Variants in PHKB observed in about 807,000 individuals in gnomAD.
The protein encoded by PHKB is phosphorylase kinase regulatory subunit beta.
PHKB carries 122 observed loss-of-function variants against 152.1 expected under a neutral mutation model. The observed-to-expected ratio is 0.80, with a 90% confidence interval of 0.69 to 0.93. PHKB has a LOEUF of 0.93. Ranked by LOEUF, PHKB falls within the 40% of genes least tolerant of loss-of-function variation. The pLI, the probability that PHKB is intolerant of heterozygous loss-of-function variation, is 0.00. For missense variants in PHKB, 1,304 were observed against 1,328.4 expected (o/e 0.98, Z 0.29); for synonymous variants, 436 against 464.9 (o/e 0.94, Z 0.80).
chr16:47,602,709 A>AT (rs1182355672), intron 13 of PHKB, among the ~76,000 whole-genome samples: 1 of 152,046 alleles, frequency 6.6e-6, no homozygotes, highest in Non-Finnish European at 1.5e-5. Context: ...ATGAGCATTA[A>AT]TTTTTTATTT....
At chr16:47,649,885 G>A (rs1345105634) in intron 18 of PHKB, among the ~76,000 whole-genome samples, 2 of 150,690 alleles carry the variant, frequency 1.3e-5, no homozygotes, top group East Asian at 3.8e-4. Flanking sequence ...TGATGATGAT[G>A]ATTTTATGTA....
intron 3 of PHKB, among the ~76,000 whole-genome samples, chr16:47,501,848 T>A (rs1385380813): frequency 1.3e-5 from 2 of 152,206 alleles, no homozygotes; most frequent in East Asian, 3.9e-4. Flanking sequence ...ATAGAGACTT[T>A]AAAGTCCTCA....
intron 26 of PHKB, among the ~76,000 whole-genome samples, chr16:47,670,224 T>C (rs1973614769): frequency 6.6e-6 from 1 of 152,226 alleles, no homozygotes; most frequent in African/African-American, 2.4e-5. Context: ...ATATCTGAGC[T>C]TATAGTGTAA....
At chr16:47,582,780 G>C (rs754569789) in intron 8 of PHKB, among the ~76,000 whole-genome samples, 11 of 152,174 alleles carry the variant, frequency 7.2e-5, no homozygotes, top group South Asian at 2.1e-4. Context: ...AATATGGACA[G>C]ATAATGTCTT....
At chr16:47,467,717 G>A (rs1969692782) in intron 1 of PHKB, among the ~76,000 whole-genome samples, 1 of 152,190 alleles carries the variant, frequency 6.6e-6, no homozygotes, top group Non-Finnish European at 1.5e-5. Context: ...CAAAAATGAT[G>A]CTTCACATTT....
Position 47,589,488 on chromosome 16 carries a change from A to G in PHKB, c.1068+386A>G, listed in dbSNP as rs545147900. Among the ~76,000 whole-genome samples the G allele has an allele frequency of 2.0e-5, 3 of 152,292 alleles. No individual in the cohort carries two copies. The East Asian group carries it at 5.8e-4, about 29-fold the overall frequency. Reference sequence around the variant, plus strand: ...TGATCCATACTATTTGTCTTATATAATATTAAATACCTGTTTGTAATATTC... The same window carrying G: ...TGATCCATACTATTTGTCTTATATAGTATTAAATACCTGTTTGTAATATTC... On this transcript the variant is annotated intron_variant, in intron 10 of 30. Coordinates refer to ENST00000323584, the MANE Select transcript of PHKB (RefSeq NM_000293.3).
In PHKB at chr16:47,483,548, C is replaced by G. The variant is rs1376115684; in HGVS notation, c.77-13851C>G. Reference sequence around the variant, plus strand: ...TATGTGTTCAGATTAGTATTATTCTCTATAAAGTGATCCACTTGTAAGGCT... The same window carrying G: ...TATGTGTTCAGATTAGTATTATTCTGTATAAAGTGATCCACTTGTAAGGCT... On this transcript the variant is annotated intron_variant, in intron 1 of 30. Transcript: ENST00000323584. Among the ~76,000 whole-genome samples the G allele has an allele frequency of 2.0e-5, 3 of 152,164 alleles. 1 individual carries two copies. Among genetic ancestry groups the G allele is most frequent in the Admixed American group, 1.3e-4 (2 of 15,278 alleles).
chr16:47,698,616 T>TA, intron 30 of PHKB, 28 bp downstream of exon 30: 1 of 1,513,316 alleles, frequency 6.6e-7, no homozygotes, highest in Non-Finnish European at 8.9e-7. Context: ...TTTTTTTTTT[T>TA]TTTTTTGAGA....
intron 14 of PHKB, among the ~76,000 whole-genome samples, chr16:47,636,566 T>A (rs1444959476): frequency 6.6e-6 from 1 of 152,190 alleles, no homozygotes; most frequent in Non-Finnish European, 1.5e-5. Context: ...CCTGCAGCAG[T>A]ACGGAACAAA....
At chr16:47,697,544 T>C (rs1974169287) in intron 29 of PHKB, among the ~76,000 whole-genome samples, 1 of 152,210 alleles carries the variant, frequency 6.6e-6, no homozygotes, top group African/African-American at 2.4e-5. Context: ...CATATTCTCA[T>C]GGCTAAAGGC....
intron 27 of PHKB, among the ~76,000 whole-genome samples, chr16:47,690,578 C>T (rs996981242): frequency 6.6e-6 from 1 of 152,132 alleles, no homozygotes; most frequent in African/African-American, 2.4e-5. Context: ...AAGAAACATT[C>T]TTACATACCC....
At chr16:47,478,875 T>TTACA (rs1597016164) in intron 1 of PHKB, among the ~76,000 whole-genome samples, 2 of 152,150 alleles carry the variant, frequency 1.3e-5, no homozygotes, top group African/African-American at 4.8e-5. Context: ...CACTGGTGAA[T>TTACA]TACAGTAGCA....
intron 28 of PHKB, among the ~76,000 whole-genome samples, chr16:47,695,150 C>T (rs77957812): frequency 6.6e-6 from 1 of 152,112 alleles, no homozygotes; most frequent in Admixed American, 6.5e-5. Flanking sequence ...GCTGCTGAGC[C>T]TTTTCTCTTA....
intron 5 of PHKB, among the ~76,000 whole-genome samples, chr16:47,512,386 A>C (rs1022529462): frequency 3.3e-5 from 5 of 152,216 alleles, no homozygotes; most frequent in African/African-American, 1.2e-4. Context: ...AAAAGAAGGA[A>C]GACTACAGTT....
chr16:47,464,928 A>T (rs966448236), intron 1 of PHKB, among the ~76,000 whole-genome samples: 1 of 152,138 alleles, frequency 6.6e-6, no homozygotes, highest in African/African-American at 2.4e-5. Flanking sequence ...TGAGATGAGC[A>T]CCCCCAAACA....
intron 4 of PHKB, among the ~76,000 whole-genome samples, chr16:47,511,002 G>A (rs1201042035): frequency 6.6e-6 from 1 of 152,138 alleles, no homozygotes; most frequent in East Asian, 1.9e-4. Flanking sequence ...GTAAAGAAAT[G>A]GGTGGATTTT....
intron 7 of PHKB, among the ~76,000 whole-genome samples, chr16:47,554,141 G>T (rs1210083603): frequency 6.6e-6 from 1 of 152,176 alleles, no homozygotes; most frequent in East Asian, 1.9e-4. Flanking sequence ...CCTTCCCTCT[G>T]TCCCAGGGAG....
intron 6 of PHKB, among the ~76,000 whole-genome samples, chr16:47,546,843 G>A (rs920526088): frequency 7.9e-5 from 12 of 152,160 alleles, no homozygotes; most frequent in East Asian, 1.9e-4. Flanking sequence ...GCTTGCTGCC[G>A]TGCAGTTCGA....
chr16:47,587,428 T>C (rs117129250), intron 8 of PHKB, among the ~76,000 whole-genome samples: 1,756 of 152,304 alleles, frequency 0.012, 14 homozygotes, highest in South Asian at 0.018. Flanking sequence ...TTTTGATTTA[T>C]AAGAAAGTCA....
Sources: allele counts gnomAD v4.1 joint callset (sites outside exome capture counted in the v4.1 genomes callset), GRCh38; gene constraint gnomAD v4.1.1; transcripts MANE v1.5; gene names NCBI Gene and HGNC (gene_info 2026-07-23, HGNC 2026-07-21).